PAK5: variants seen among roughly 807,000 people sequenced by gnomAD.
The protein encoded by PAK5 is p21 (RAC1) activated kinase 5, also known as serine/threonine-protein kinase PAK 5.
Under a neutral mutation model 65.9 loss-of-function variants are expected in PAK5, and 16 were observed. The observed-to-expected ratio is 0.24, with a 90% confidence interval of 0.16 to 0.37. The LOEUF (loss-of-function observed/expected upper bound fraction) is 0.37, where lower values mean the gene tolerates loss of function less well. PAK5 is among the 10% of genes least tolerant of loss of function. The pLI is 1.00. For missense variants in PAK5, 785 were observed against 903.9 expected, an observed-to-expected ratio of 0.87 and a Z score of 1.69; for synonymous variants, 371 against 354.9, an observed-to-expected ratio of 1.05 and a Z score of -0.51.
At chr20:9,632,363 G>C (rs142049140) in intron 3 of PAK5, among the ~76,000 whole-genome samples, 1 of 152,152 alleles carries the variant, frequency 6.6e-6, no homozygotes, top group Non-Finnish European at 1.5e-5. Context: ...GGCCATAGTG[G>C]AGAAGGAATG....
intron 1 of PAK5, among the ~76,000 whole-genome samples, chr20:9,812,016 T>C (rs999251513): frequency 1.3e-5 from 2 of 152,194 alleles, no homozygotes; most frequent in African/African-American, 4.8e-5. Flanking sequence ...TGTATATTGA[T>C]AATATTAGGG....
At chr20:9,719,189 T>C (rs557166901) in intron 1 of PAK5, among the ~76,000 whole-genome samples, 5 of 152,274 alleles carry the variant, frequency 3.3e-5, no homozygotes, top group Admixed American at 3.3e-4. Flanking sequence ...CACTCACAAA[T>C]GGATTTTCTT....
At chr20:9,756,126 A>G (rs2048631197) in intron 1 of PAK5, among the ~76,000 whole-genome samples, 1 of 152,216 alleles carries the variant, frequency 6.6e-6, no homozygotes, top group Non-Finnish European at 1.5e-5. Flanking sequence ...TGCTAATTAA[A>G]TCCCAAACTC....
At chr20:9,583,627 T>C (rs1291079906) in intron 3 of PAK5, among the ~76,000 whole-genome samples, 3 of 152,256 alleles carry the variant, frequency 2.0e-5, no homozygotes, top group Non-Finnish European at 4.4e-5. Context: ...TTATTTTTTG[T>C]TGTTTTTTGA....
intron 3 of PAK5, among the ~76,000 whole-genome samples, chr20:9,622,250 G>A (rs1296772527): frequency 6.6e-6 from 1 of 152,104 alleles, no homozygotes; most frequent in Non-Finnish European, 1.5e-5. Context: ...CCAAATAACA[G>A]ATGATCTAGA....
At chr20:9,666,657 CAAGAA>C (rs2047423830) in intron 2 of PAK5, among the ~76,000 whole-genome samples, 1 of 151,696 alleles carries the variant, frequency 6.6e-6, no homozygotes, top group Non-Finnish European at 1.5e-5. Flanking sequence ...CTCAGATGAA[CAAGAA>C]AAAACAAAAC....
At chr20:9,659,146 T>C (rs539686805) in intron 2 of PAK5, among the ~76,000 whole-genome samples, 2 of 152,212 alleles carry the variant, frequency 1.3e-5, no homozygotes, top group African/African-American at 2.4e-5. Context: ...TGTGTGTGCA[T>C]GTGTACACAC....
At chr20:9,652,705 C>G (rs973423139) in intron 2 of PAK5, among the ~76,000 whole-genome samples, 2 of 152,200 alleles carry the variant, frequency 1.3e-5, no homozygotes, top group Non-Finnish European at 2.9e-5. Context: ...ATAATTCAAA[C>G]ACACTTGCCT....
At chr20:9,767,780 G>A (rs2123667474) in intron 1 of PAK5, among the ~76,000 whole-genome samples, 1 of 152,148 alleles carries the variant, frequency 6.6e-6, no homozygotes, top group East Asian at 1.9e-4. Flanking sequence ...CTTGTACCTG[G>A]GATTCTAGGG....
chr20:9,821,454 C>G (rs1206627589), intron 1 of PAK5, among the ~76,000 whole-genome samples: 2 of 152,130 alleles, frequency 1.3e-5, no homozygotes, highest in African/African-American at 4.8e-5. Flanking sequence ...TGATTATTTT[C>G]AGAACACAAT....
At chr20:9,586,536 C>T (rs972134557) in intron 3 of PAK5, among the ~76,000 whole-genome samples, 1 of 152,014 alleles carries the variant, frequency 6.6e-6, no homozygotes, top group African/African-American at 2.4e-5. Flanking sequence ...GCCTATACTA[C>T]CTATCAATAT....
At chr20:9,797,169 T>C (rs2049114111) in intron 1 of PAK5, among the ~76,000 whole-genome samples, 2 of 151,838 alleles carry the variant, frequency 1.3e-5, no homozygotes, top group Admixed American at 6.6e-5. Context: ...CATGTGTCTG[T>C]TGGCTGCATA....
At chr20:9,665,876 T>C (rs1569028844) in intron 2 of PAK5, among the ~76,000 whole-genome samples, 1 of 152,044 alleles carries the variant, frequency 6.6e-6, no homozygotes, top group Non-Finnish European at 1.5e-5. Flanking sequence ...ATGGTGATAA[T>C]TAGAAGAACC....
rs1308749216 is a variant in PAK5 at position 9,651,673 on chromosome 20, A to G, written c.-11-7334T>C. 3.3e-5 allele frequency among the ~76,000 whole-genome samples: 5 copies of G among 152,292 alleles called. No homozygotes were observed. The South Asian group carries it at 1.0e-3, about 32-fold the overall frequency. ...ATAATAATAGTAATAAAAGATAATG[A>G]CATGGATATGCCCCAGGGGCTTTGA... On this transcript the variant is annotated intron_variant, in intron 2 of 9. Transcript: ENST00000353224.
At chr20:9,674,577 C>T (rs1244022770) in intron 2 of PAK5, among the ~76,000 whole-genome samples, 2 of 152,148 alleles carry the variant, frequency 1.3e-5, no homozygotes, top group Non-Finnish European at 2.9e-5. Context: ...GCTGAGATGT[C>T]CTGGTTTGGC....
At chr20:9,732,559 T>G (rs765724980) in intron 1 of PAK5, among the ~76,000 whole-genome samples, 1 of 152,204 alleles carries the variant, frequency 6.6e-6, no homozygotes, top group Non-Finnish European at 1.5e-5. Flanking sequence ...CAGGTCTTTG[T>G]GATAAAATAA....
At chr20:9,719,087 A>C (rs2048184486) in intron 1 of PAK5, among the ~76,000 whole-genome samples, 2 of 152,146 alleles carry the variant, frequency 1.3e-5, no homozygotes, top group Admixed American at 1.3e-4. Flanking sequence ...TCACTGTTGG[A>C]ATAAGGTATG....
At chr20:9,701,857 A>G (rs987967577) in intron 2 of PAK5, among the ~76,000 whole-genome samples, 1 of 151,916 alleles carries the variant, frequency 6.6e-6, no homozygotes, top group African/African-American at 2.4e-5. Context: ...AAAATTAGTC[A>G]GGTGTGGTGG....
chr20:9,795,049 C>T (rs754488099), intron 1 of PAK5, among the ~76,000 whole-genome samples: 3 of 151,978 alleles, frequency 2.0e-5, no homozygotes, highest in Non-Finnish European at 4.4e-5. Flanking sequence ...ACATGGTTTC[C>T]ATAAATACCC....
Sources: gnomAD v4.1 joint callset for allele counts (sites outside exome capture counted in the v4.1 genomes callset) on GRCh38, gnomAD v4.1.1 for gene constraint, MANE v1.5 for transcripts, NCBI Gene and HGNC (gene_info 2026-07-23, HGNC 2026-07-21) for gene names.